TTC27: variants seen among roughly 807,000 people sequenced by gnomAD.
TTC27 encodes tetratricopeptide repeat protein 27.
Under a neutral mutation model 115.9 loss-of-function variants are expected in TTC27, and 79 were observed. The observed-to-expected ratio is 0.68, with a 90% confidence interval of 0.57 to 0.82. TTC27 has a LOEUF of 0.82. TTC27 is among the 40% of genes least tolerant of loss of function. TTC27 has a pLI of 0.00. For synonymous variants in TTC27, 401 were observed against 356.0 expected (o/e 1.13, Z -1.42); for missense variants, 1,054 against 993.1 (o/e 1.06, Z -0.82).
chr2:32,649,114 G>GT (rs1664982422), intron 4 of TTC27, among the ~76,000 whole-genome samples: 1 of 152,156 alleles, frequency 6.6e-6, no homozygotes, highest in African/African-American at 2.4e-5. Context: ...CCAATATGAT[G>GT]CCAACTTCTA....
At chr2:32,650,602 A>G (rs1024384430) in intron 5 of TTC27, among the ~76,000 whole-genome samples, 1 of 151,810 alleles carries the variant, frequency 6.6e-6, no homozygotes, top group Non-Finnish European at 1.5e-5. Flanking sequence ...CTTTTTTTAA[A>G]AAAAGTCCTT....
At chr2:32,800,165 G>A (rs910746923) in intron 16 of TTC27, among the ~76,000 whole-genome samples, 14 of 152,200 alleles carry the variant, frequency 9.2e-5, no homozygotes, top group Admixed American at 7.9e-4. Flanking sequence ...ACAGTACCTG[G>A]CAGATACATA....
At chr2:32,630,848 A>T in intron 2 of TTC27, 148 bp downstream of exon 2, 1 of 691,482 alleles carries the variant, frequency 1.4e-6, no homozygotes, top group Non-Finnish European at 2.3e-6. Flanking sequence ...TCTATGTAAA[A>T]ACTCATCCAG....
At chr2:32,629,978 A>G (rs1056083920) in intron 1 of TTC27, among the ~76,000 whole-genome samples, 1 of 152,220 alleles carries the variant, frequency 6.6e-6, no homozygotes, top group Non-Finnish European at 1.5e-5. Context: ...AAACTTTCCT[A>G]GAAGAAGTTA....
chr2:32,779,901 A>G (rs1306752241), intron 14 of TTC27, among the ~76,000 whole-genome samples: 5 of 152,226 alleles, frequency 3.3e-5, no homozygotes, highest in Non-Finnish European at 5.9e-5. Flanking sequence ...TGAAAAGACT[A>G]TTCTTTTCCT....
chr2:32,766,917 C>A (rs571936154), intron 13 of TTC27, among the ~76,000 whole-genome samples: 11 of 152,232 alleles, frequency 7.2e-5, no homozygotes, highest in African/African-American at 2.6e-4. Context: ...ACCTGAGAAG[C>A]TGGGACTATA....
intron 13 of TTC27, among the ~76,000 whole-genome samples, chr2:32,765,518 G>C (rs1032003554): frequency 1.8e-4 from 28 of 152,076 alleles, no homozygotes; most frequent in African/African-American, 6.5e-4. Context: ...TGGGATTTTC[G>C]GGTGGTGAAT....
intron 16 of TTC27, among the ~76,000 whole-genome samples, chr2:32,802,545 C>T (rs1282763180): frequency 1.3e-5 from 2 of 152,208 alleles, no homozygotes; most frequent in African/African-American, 2.4e-5. Context: ...TTTATCTCCC[C>T]TAGTCCACTT....
In TTC27 at chr2:32,817,373, T is replaced by G. The variant is rs540925336; in HGVS notation, c.2309-84T>G. 185 of 1,120,534 alleles carry G rather than the reference T, an allele frequency of 1.7e-4. 3 individuals carry two copies. In the South Asian group the frequency reaches 2.6e-3, roughly 15 times the overall value. The allele number at this position is 1,120,534 out of a possible 1,614,324, so 69.4% of individuals were successfully genotyped here. A position where few individuals can be genotyped will look rare whatever the true frequency, so the allele number is the denominator to read the frequency against. On this transcript the variant is annotated intron_variant, in intron 18 of 19. Transcript: ENST00000317907. The stretch of plus-strand genomic sequence containing the variant: ...TTTCTAAAGTATGTTACTATAAAAA[T>G]TCTAATTAAATAATTGGCTTTTGTA...
chr2:32,678,440 T>G (rs1302056600), intron 8 of TTC27, among the ~76,000 whole-genome samples: 1 of 152,042 alleles, frequency 6.6e-6, no homozygotes, highest in Non-Finnish European at 1.5e-5. Flanking sequence ...TTTGTTTTGT[T>G]TTTTTGAAAC....
rs1668464560 is a variant in TTC27, at chr2:32,736,739, G to A, written c.1375G>A (p.Ala459Thr). ...LLFELGCTSS[A>T]LQIFEKLEMW... is the part of the protein sequence containing the mutation. ...CTTTGAGTTGGGATGTACCAGTTCA[G>A]CCCTTCAGATATTTGAAAAGCTAGA... The change falls in exon 12 of 20, where the codon GCC becomes ACC. Residue 459 changes from alanine (A) to threonine (T), a missense_variant. Physicochemically the swap from Ala to Thr is moderately conservative, Grantham distance 58. Transcript: ENST00000317907. The A allele has an allele frequency of 6.2e-7, 1 of 1,613,906 alleles. No homozygotes were observed. Among genetic ancestry groups the A allele is most frequent in the Non-Finnish European group, 8.5e-7 (1 of 1,179,952 alleles).
At chr2:32,794,065 C>T (rs1280057871) in intron 16 of TTC27, among the ~76,000 whole-genome samples, 2 of 152,024 alleles carry the variant, frequency 1.3e-5, no homozygotes, top group Non-Finnish European at 2.9e-5. Flanking sequence ...GTGAGTATGG[C>T]TCTGTTAGAC....
At chr2:32,708,301 C>CTTTTTTTTTTTTTTTTTTTTT (rs1159740039) in intron 10 of TTC27, among the ~76,000 whole-genome samples, 1 of 80,258 alleles carries the variant, frequency 1.2e-5, no homozygotes, top group Non-Finnish European at 2.5e-5. Flanking sequence ...TTTTCTCTAC[C>CTTTTTTTTTTTTTTTTTTTTT]TTGTTTTTTT....
rs1667608538 is a variant in TTC27 at position 32,712,363 on chromosome 2, T to G, written c.1233+9443T>G. On this transcript the variant is annotated intron_variant, in intron 10 of 19. Transcript: ENST00000317907. The stretch of plus-strand genomic sequence containing the variant: ...TTGCATGTTCAAGGCAGTGGTGATG[T>G]TAGTGACAATGAAGAAAATAATGTT... 1.3e-5 allele frequency among the ~76,000 whole-genome samples: 2 copies of G among 152,204 alleles called. 1 individual carries two copies. Among genetic ancestry groups the G allele is most frequent in the South Asian group, 4.1e-4 (2 of 4,824 alleles).
At chr2:32,702,289 C>A (rs1572529792) in intron 9 of TTC27, among the ~76,000 whole-genome samples, 3 of 152,028 alleles carry the variant, frequency 2.0e-5, no homozygotes, top group African/African-American at 7.2e-5. Flanking sequence ...TGTAAATGAT[C>A]ACCGAGACAA....
intron 16 of TTC27, among the ~76,000 whole-genome samples, chr2:32,804,621 CATA>C (rs1298320181): frequency 1.3e-5 from 2 of 151,836 alleles, no homozygotes; most frequent in Non-Finnish European, 2.9e-5. Context: ...AAACAGTTTA[CATA>C]ATATTATATT....
chr2:32,819,214 T>C lies in TTC27; in HGVS notation c.2410-1602T>C, dbSNP rs73924071. 4.5e-3 allele frequency among the ~76,000 whole-genome samples: 684 copies of C among 152,334 alleles called. 8 individuals are homozygous for C. The highest frequency in any genetic ancestry group is 0.016 in the African/African-American group (667 of 41,574). ...GTAATCTATACTTGCATGACTTGAA[T>C]AGTATTGTCTGTGCAGGTACTGCAC... On this transcript the variant is annotated intron_variant, in intron 19 of 19. Transcript: ENST00000317907.
At chr2:32,687,262 T>A (rs769176864) in intron 9 of TTC27, among the ~76,000 whole-genome samples, 1 of 152,252 alleles carries the variant, frequency 6.6e-6, no homozygotes, top group Non-Finnish European at 1.5e-5. Flanking sequence ...TCCACTATTG[T>A]AGGTTGTGAA....
chr2:32,669,336 C>A (rs1665920042), intron 7 of TTC27, among the ~76,000 whole-genome samples: 1 of 152,136 alleles, frequency 6.6e-6, no homozygotes, highest in Admixed American at 6.5e-5. Context: ...TTCAGATAAT[C>A]TTATGGTCTT....
Sources: allele counts gnomAD v4.1 joint callset (sites outside exome capture counted in the v4.1 genomes callset), GRCh38; gene constraint gnomAD v4.1.1; transcripts MANE v1.5; gene names NCBI Gene and HGNC (gene_info 2026-07-23, HGNC 2026-07-21).